Variants in BRAT1 observed in about 807,000 individuals in gnomAD.
BRAT1 encodes the protein integrator complex assembly factor BRAT1.
BRAT1 carries 74 observed loss-of-function variants against 70.6 expected under a neutral mutation model. The observed-to-expected ratio is 1.05, with a 90% CI of 0.87 to 1.27. The LOEUF (loss-of-function observed/expected upper bound fraction) is 1.27. BRAT1 is among the 50% of genes most tolerant of loss of function. The pLI, the probability that BRAT1 is intolerant of heterozygous loss-of-function variation, is 0.00. For missense variants in BRAT1, 1,203 were observed against 1,098.2 expected, an observed-to-expected ratio of 1.10 and a Z score of -1.35; for synonymous variants, 615 against 517.1, an observed-to-expected ratio of 1.19 and a Z score of -2.57.
intron 2 of BRAT1, among the ~76,000 whole-genome samples, chr7:2,551,261 C>T (rs1236539819): frequency 3.4e-5 from 5 of 147,934 alleles, no homozygotes; most frequent in African/African-American, 1.3e-4. Context: ...AAATCTATAT[C>T]TATATATATA....
In BRAT1 at chr7:2,543,167, G is replaced by A; in HGVS notation, c.923+37C>T. ...ACCTCCCTGCCTGCCCCAGCTCCCA[G>A]CACCCGCCTCGGAATGAAATGCACC... is the stretch of plus-strand genomic sequence containing the variant. On this transcript the variant is annotated intron_variant, in intron 6 of 13. Coordinates refer to ENST00000340611, the MANE Select transcript of BRAT1 (RefSeq NM_152743.4). The surrounding 1 kb of genome is among the most constrained non-coding windows in gnomAD (Gnocchi z 5.5). 2.0e-6 allele frequency: 3 copies of A among 1,521,388 alleles called. No homozygotes were observed. The highest frequency in any genetic ancestry group is 1.8e-6 in the Non-Finnish European group (2 of 1,133,252). 94.2% of individuals were successfully genotyped at this position (1,521,388 alleles called of 1,614,324 possible).
At position 2,538,308 on chromosome 7, in the gene BRAT1, G is replaced by A. The variant is rs868110270; in HGVS notation, c.2227C>T (p.Pro743Ser). The change falls in exon 14 of 14, where the codon CCC becomes TCC. Residue 743 changes from proline (P) to serine (S), a missense_variant. Coordinates refer to ENST00000340611, the MANE Select transcript of BRAT1 (RefSeq NM_152743.4). ...YSSLREARGS[P>S]NTASAEATLP... ...GTGGCCTCTGCGGAGGCAGTGTTGG[G>A]GCTGCCCCTGGCCTCCCGCAGGCTG... 3.7e-6 allele frequency: 6 copies of A among 1,612,784 alleles called. No homozygotes were observed. The highest frequency in any genetic ancestry group is 3.3e-4 in the Middle Eastern group (2 of 6,082).
chr7:2,547,502 G>A (rs1304250882), intron 2 of BRAT1, 24 bp from the exon 3 acceptor site: 10 of 1,608,796 alleles, frequency 6.2e-6, no homozygotes, highest in Non-Finnish European at 8.5e-6. Context: ...CCAGCCCAGG[G>A]GTCACCAGGG....
rs370715572 is a variant in BRAT1 at position 2,543,628 on chromosome 7, G to A, written c.765C>T (p.Ala255=). 1.9e-5 allele frequency: 29 copies of A among 1,535,434 alleles called. No individual in the cohort carries two copies. Among genetic ancestry groups the A allele is most frequent in the South Asian group, 3.8e-5 (3 of 79,782 alleles). ...ACLLERDPIP[A]AHSFVDLLLC... Reference sequence around the variant, plus strand: ...GAAGCAGGTCCACGAACGAGTGTGCGGCGGGGATGGGGTCTCTCTCCAGCA... The same window carrying A: ...GAAGCAGGTCCACGAACGAGTGTGCAGCGGGGATGGGGTCTCTCTCCAGCA... Residue 255 remains alanine, a synonymous_variant, in exon 5 of 14, where the codon GCC becomes GCT. Coordinates refer to ENST00000340611, the MANE Select transcript of BRAT1 (RefSeq NM_152743.4). This position sits in a 1 kb window ranked among gnomAD's most constrained non-coding sequence, Gnocchi z 5.5.
At chr7:2,545,150 G>A (rs946886247) in intron 3 of BRAT1, 94 bp from the exon 4 acceptor site, 23 of 1,352,744 alleles carry the variant, frequency 1.7e-5, no homozygotes, top group Admixed American at 3.2e-5. Flanking sequence ...CAGATCACGA[G>A]GTCAGGAGTT....
At chr7:2,550,069 G>A (rs1779886073) in intron 2 of BRAT1, among the ~76,000 whole-genome samples, 1 of 151,912 alleles carries the variant, frequency 6.6e-6, no homozygotes, top group Non-Finnish European at 1.5e-5. Flanking sequence ...AGGCTGGGGT[G>A]GGAGGATCAC....
chr7:2,549,125 C>T (rs1271573917), intron 2 of BRAT1, among the ~76,000 whole-genome samples: 1 of 152,120 alleles, frequency 6.6e-6, no homozygotes, highest in Non-Finnish European at 1.5e-5. Flanking sequence ...CTTCGGTTGC[C>T]TGGATAGAGA....
chr7:2,551,634 C>A (rs895129865), intron 2 of BRAT1, among the ~76,000 whole-genome samples: 3 of 149,638 alleles, frequency 2.0e-5, no homozygotes, highest in Non-Finnish European at 4.4e-5. Context: ...GAGCCGTGTT[C>A]ACGCCATTGC....
At position 2,542,086 on chromosome 7, in the gene BRAT1, G is replaced by GT. The variant is rs575938118; in HGVS notation, c.1015+33dup. 196 of 1,471,892 alleles carry GT rather than the reference G, an allele frequency of 1.3e-4. 1 individual carries two copies. In the African/African-American group the frequency reaches 2.2e-3, roughly 16 times the overall value. The allele number at this position is 1,471,892 out of a possible 1,614,324, so 91.2% of individuals were successfully genotyped here. ...CCTTCCCCCAGCCGCAGGGACCCAG[G>GT]TTCTGCCCTCCCAGCCCTTTCTAAG... On this transcript the variant is annotated intron_variant, in intron 7 of 13. Coordinates refer to ENST00000340611, the MANE Select transcript of BRAT1 (RefSeq NM_152743.4).
At chr7:2,544,768 C>A (rs1289430961) in intron 4 of BRAT1, 141 bp downstream of exon 4, 4 of 1,316,260 alleles carry the variant, frequency 3.0e-6, no homozygotes, top group Non-Finnish European at 3.0e-6. Context: ...GAACACTGGA[C>A]AGCCGTACTG....
At chr7:2,555,321 G>GA (rs1780344422) in intron 1 of BRAT1, among the ~76,000 whole-genome samples, 166 bp downstream of exon 1, 1 of 152,056 alleles carries the variant, frequency 6.6e-6, no homozygotes, top group African/African-American at 2.4e-5. Flanking sequence ...CGAGAGTCCA[G>GA]AAGGGGCGCC....
At chr7:2,542,275 A>C in intron 6 of BRAT1, 64 bp from the exon 7 acceptor site, 5 of 1,353,698 alleles carry the variant, frequency 3.7e-6, no homozygotes, top group Non-Finnish European at 5.2e-6. Flanking sequence ...TGTGCTCCTA[A>C]TGTCCCCAGC....
At chr7:2,554,572 G>T (rs959139406) in intron 1 of BRAT1, 125 bp from the exon 2 acceptor site, 7 of 1,175,776 alleles carry the variant, frequency 6.0e-6, no homozygotes, top group Non-Finnish European at 8.1e-6. Context: ...CTCAGACCAG[G>T]AGAACCATGA....
At chr7:2,539,070 G>T in intron 13 of BRAT1, 109 bp downstream of exon 13, 1 of 1,479,212 alleles carries the variant, frequency 6.8e-7, no homozygotes, top group Non-Finnish European at 9.0e-7. Flanking sequence ...GCTGCCCACA[G>T]CAGCAGCTGC....
At position 2,543,739 on chromosome 7, in the gene BRAT1, C is replaced by G. The variant is rs147160709; in HGVS notation, c.654G>C (p.Leu218=). 12 of 1,600,622 alleles carry G rather than the reference C, an allele frequency of 7.5e-6. No individual in the cohort carries two copies. Among genetic ancestry groups the G allele is most frequent in the Non-Finnish European group, 1.0e-5 (12 of 1,170,444 alleles). The part of the protein sequence containing the change: ...SAATPKVTQA[L]NVLTTTFGRC... ...GCCCGAAGGTCGTGGTCAGGACGTT[C>G]AGGGCCTGAGTGACCTTGGGGGTGG... is the stretch of plus-strand genomic sequence containing the variant. The change falls in exon 5 of 14, where the codon CTG becomes CTC. Residue 218 remains leucine, a synonymous_variant. Coordinates refer to ENST00000340611, the MANE Select transcript of BRAT1 (RefSeq NM_152743.4). This position sits in a 1 kb window ranked among gnomAD's most constrained non-coding sequence, Gnocchi z 5.5.
intron 2 of BRAT1, among the ~76,000 whole-genome samples, chr7:2,549,891 C>T (rs929829175): frequency 1.3e-5 from 2 of 152,182 alleles, no homozygotes; most frequent in Non-Finnish European, 2.9e-5. Flanking sequence ...TAACTGATCA[C>T]GGAGATAAAT....
At chr7:2,541,268 C>T (rs1231633805) in intron 9 of BRAT1, 30 bp downstream of exon 9, 2 of 1,539,112 alleles carry the variant, frequency 1.3e-6, no homozygotes, top group Admixed American at 2.0e-5. Context: ...AGGGATAGCC[C>T]CACGCCAAAG....
At chr7:2,546,846 G>A (rs937413893) in intron 3 of BRAT1, among the ~76,000 whole-genome samples, 5 of 152,198 alleles carry the variant, frequency 3.3e-5, no homozygotes, top group Non-Finnish European at 5.9e-5. Flanking sequence ...TGTAGGCTGG[G>A]TCGCTGGAGG....
At position 2,546,839 on chromosome 7, in the gene BRAT1, A is replaced by G. The variant is rs188672997; in HGVS notation, c.282+485T>C. ...TCTCATTAGTTATTCATTCATTTGT[A>G]GGCTGGGTCGCTGGAGGTGCAGGAT... is the stretch of plus-strand genomic sequence containing the variant. On this transcript the variant is annotated intron_variant, in intron 3 of 13. Coordinates refer to ENST00000340611, the MANE Select transcript of BRAT1 (RefSeq NM_152743.4). Among the ~76,000 whole-genome samples, 492 of 152,336 alleles carry G rather than the reference A, an allele frequency of 3.2e-3. 3 individuals carry two copies. Among genetic ancestry groups the G allele is most frequent in the Admixed American group, 4.9e-3 (75 of 15,290 alleles).
Sources: allele counts gnomAD v4.1 joint callset (sites outside exome capture counted in the v4.1 genomes callset), GRCh38; gene constraint gnomAD v4.1.1; non-coding constraint Gnocchi (gnomAD v3.1); transcripts MANE v1.5; gene names NCBI Gene and HGNC (gene_info 2026-07-23, HGNC 2026-07-21).